Variants in MOSMO observed in about 807,000 individuals in gnomAD.
MOSMO encodes modulator of smoothened protein.
Under a neutral mutation model 18.4 loss-of-function variants are expected in MOSMO, and 5 were observed. The observed-to-expected ratio is 0.27, with a 90% CI of 0.14 to 0.57. The LOEUF is 0.57. MOSMO is among the 20% of genes least tolerant of loss of function. The pLI, the probability that MOSMO is intolerant of heterozygous loss-of-function variation, is 0.92. For synonymous variants in MOSMO, 82 were observed against 82.3 expected (o/e 1.00, Z 0.02); for missense variants, 138 against 211.8 (o/e 0.65, Z 2.16).
chr16:22,020,452 G>A (rs1011698815), intron 1 of MOSMO, among the ~76,000 whole-genome samples: 2 of 151,448 alleles, frequency 1.3e-5, no homozygotes, highest in Non-Finnish European at 2.9e-5. Flanking sequence ...GCGCCACCAC[G>A]CCCAGCTAAT....
rs192049310 is a variant in MOSMO at position 22,058,387 on chromosome 16, C to G, written c.107-17100C>G. 7.7e-4 allele frequency among the ~76,000 whole-genome samples: 114 copies of G among 148,802 alleles called. 1 individual carries two copies. The highest frequency in any genetic ancestry group is 2.7e-3 in the African/African-American group (110 of 40,232). ...GTTGCAGTGAGCCGAGATCGCGCCA[C>G]TGCTCTCTAGCCTGGGTGACAGAGC... On this transcript the variant is annotated intron_variant, in intron 1 of 2. Coordinates refer to ENST00000542527, the MANE Select transcript of MOSMO (RefSeq NM_001164579.2).
chr16:22,075,330 A>G (rs753095882), intron 1 of MOSMO, 157 bp from the exon 2 acceptor site: 5 of 708,040 alleles, frequency 7.1e-6, no homozygotes, highest in South Asian at 3.0e-5. Flanking sequence ...TTACTACGTT[A>G]TGAACTACAG....
At chr16:22,058,375 G>A (rs1401659023) in intron 1 of MOSMO, among the ~76,000 whole-genome samples, 2 of 149,822 alleles carry the variant, frequency 1.3e-5, no homozygotes, top group African/African-American at 2.5e-5. Flanking sequence ...GCAGTGAGCC[G>A]AGATCGCGCC....
chr16:22,054,116 G>C (rs942522076), intron 1 of MOSMO, among the ~76,000 whole-genome samples: 11 of 151,168 alleles, frequency 7.3e-5, no homozygotes, highest in African/African-American at 2.7e-4. Context: ...TTCATTTTGA[G>C]CCAAAGTGTC....
At position 22,008,275 on chromosome 16, in the gene MOSMO, G is replaced by C. The variant is rs1455237429; in HGVS notation, c.-27G>C. 6.9e-7 allele frequency: 1 copy of C among 1,445,260 alleles called. No homozygotes were observed. The highest frequency in any genetic ancestry group is 2.1e-5 in the Admixed American group (1 of 47,808). 89.5% of individuals were successfully genotyped at this position (1,445,260 alleles called of 1,614,324 possible). A position where few individuals can be genotyped will look rare whatever the true frequency, so the allele number is the denominator to read the frequency against. On this transcript the variant is annotated 5_prime_UTR_variant, in exon 1 of 3. Transcript: ENST00000542527. Reference sequence around the variant, plus strand: ...TGAGGCCGCTGCCTGTCCGGGGCTCGGGGGGTGGGGGGAGCGGGGCGGGGA... The same window carrying C: ...TGAGGCCGCTGCCTGTCCGGGGCTCCGGGGGTGGGGGGAGCGGGGCGGGGA...
chr16:22,036,461 T>G (rs1900111208), intron 1 of MOSMO, among the ~76,000 whole-genome samples: 1 of 152,166 alleles, frequency 6.6e-6, no homozygotes, highest in Non-Finnish European at 1.5e-5. Context: ...TTTAGGGTTT[T>G]TTTAGAGGCA....
downstream of MOSMO, among the ~76,000 whole-genome samples, chr16:22,088,315 CT>C (rs1171226553): frequency 3.3e-5 from 5 of 152,158 alleles, no homozygotes; most frequent in African/African-American, 1.2e-4. Context: ...CTGTGGCTTT[CT>C]TTTTTGACTT....
chr16:22,015,969 T>C (rs530709137), intron 1 of MOSMO, among the ~76,000 whole-genome samples: 7 of 152,204 alleles, frequency 4.6e-5, no homozygotes, highest in African/African-American at 9.6e-5. Context: ...GCCATACTTA[T>C]TGAGTCCTTC....
At chr16:22,050,586 T>C (rs1182686850) in intron 1 of MOSMO, among the ~76,000 whole-genome samples, 1 of 152,134 alleles carries the variant, frequency 6.6e-6, no homozygotes, top group Non-Finnish European at 1.5e-5. Flanking sequence ...AAGTAATTAT[T>C]TGGTCCAAAA....
intron 2 of MOSMO, 142 bp downstream of exon 2, chr16:22,075,841 C>T (rs2141780721): frequency 6.5e-6 from 4 of 618,500 alleles, no homozygotes; most frequent in South Asian, 5.7e-5. Flanking sequence ...ATAGACTCTA[C>T]ACAGTCCCAT....
chr16:22,071,221 A>C, intron 1 of MOSMO, among the ~76,000 whole-genome samples: 1 of 152,220 alleles, frequency 6.6e-6, no homozygotes, highest in Non-Finnish European at 1.5e-5. Flanking sequence ...TAGAGCTGAC[A>C]GGGAGAGCCC....
At chr16:22,038,508 T>C (rs1900150796) in intron 1 of MOSMO, among the ~76,000 whole-genome samples, 1 of 152,150 alleles carries the variant, frequency 6.6e-6, no homozygotes, top group Non-Finnish European at 1.5e-5. Flanking sequence ...AGAAACACTT[T>C]GTGACATGAG....
At chr16:22,067,375 A>C (rs953605807) in intron 1 of MOSMO, among the ~76,000 whole-genome samples, 1 of 152,216 alleles carries the variant, frequency 6.6e-6, no homozygotes, top group African/African-American at 2.4e-5. Flanking sequence ...AGAGATTCTA[A>C]GTAGGATAGA....
At chr16:22,059,749 C>CTGG (rs1159013034) in intron 1 of MOSMO, among the ~76,000 whole-genome samples, 2 of 152,082 alleles carry the variant, frequency 1.3e-5, no homozygotes, top group African/African-American at 4.8e-5. Flanking sequence ...TTTCCTCTAC[C>CTGG]TGGTCTCTCT....
At chr16:22,034,005 C>T (rs974934067) in intron 1 of MOSMO, among the ~76,000 whole-genome samples, 2 of 152,082 alleles carry the variant, frequency 1.3e-5, no homozygotes, top group South Asian at 2.1e-4. Context: ...TGGTTTTGCA[C>T]GATGGTCAAG....
At chr16:22,054,391 C>G (rs892239159) in intron 1 of MOSMO, among the ~76,000 whole-genome samples, 6 of 152,160 alleles carry the variant, frequency 3.9e-5, no homozygotes, top group African/African-American at 1.4e-4. Flanking sequence ...CCACCACACC[C>G]AGCCAGGAAG....
At chr16:22,026,096 C>T (rs1253854721) in intron 1 of MOSMO, among the ~76,000 whole-genome samples, 1 of 152,058 alleles carries the variant, frequency 6.6e-6, no homozygotes, top group Non-Finnish European at 1.5e-5. Flanking sequence ...AGCTTTTTTC[C>T]TAATTCCTCC....
At chr16:22,075,415 G>C (rs925670594) in intron 1 of MOSMO, 72 bp from the exon 2 acceptor site, 1 of 1,010,210 alleles carries the variant, frequency 9.9e-7, no homozygotes, top group Non-Finnish European at 1.4e-6. Context: ...AGAACTAAAG[G>C]GGTGGTGGTG....
At chr16:22,062,481 C>T (rs1376791359) in intron 1 of MOSMO, among the ~76,000 whole-genome samples, 2 of 152,028 alleles carry the variant, frequency 1.3e-5, no homozygotes, top group African/African-American at 4.8e-5. Flanking sequence ...CATCACGATG[C>T]CCGGCTGATT....
Sources: allele counts gnomAD v4.1 joint callset (sites outside exome capture counted in the v4.1 genomes callset), GRCh38; gene constraint gnomAD v4.1.1; transcripts MANE v1.5; gene names NCBI Gene and HGNC (gene_info 2026-07-23, HGNC 2026-07-21).